Variants in ACOXL observed in about 807,000 individuals in gnomAD.
ACOXL encodes the protein acyl-CoA oxidase like.
A neutral mutation model predicts 71.9 loss-of-function variants in ACOXL; 70 were observed. That is an observed-to-expected ratio of 0.97 (90% confidence interval 0.80 to 1.19). The LOEUF is 1.19. Ranked by LOEUF, ACOXL falls within the 50% of genes most tolerant of loss-of-function variation. The pLI is 0.00. For missense variants in ACOXL, 703 were observed against 736.3 expected, an observed-to-expected ratio of 0.95 and a Z score of 0.52; for synonymous variants, 253 against 281.6, an observed-to-expected ratio of 0.90 and a Z score of 1.02.
intron 10 of ACOXL, among the ~76,000 whole-genome samples, chr2:110,906,466 A>T (rs1317134540): frequency 6.8e-6 from 1 of 147,748 alleles, no homozygotes; most frequent in East Asian, 2.0e-4. Context: ...AGAACCTGGG[A>T]GGCAGAGGTT....
chr2:111,105,762 T>C (rs192459772), intron 17 of ACOXL, among the ~76,000 whole-genome samples: 6 of 152,300 alleles, frequency 3.9e-5, no homozygotes, highest in Admixed American at 2.0e-4. Context: ...TCCTTGGAAT[T>C]TGCCATATAG....
intron 14 of ACOXL, among the ~76,000 whole-genome samples, chr2:111,021,281 C>T (rs1279828667): frequency 3.3e-5 from 5 of 152,162 alleles, no homozygotes; most frequent in African/African-American, 7.2e-5. Flanking sequence ...AGCTGGCCCC[C>T]GAATCCGGGA....
chr2:111,058,076 AG>A (rs1479659502), intron 16 of ACOXL, among the ~76,000 whole-genome samples: 13 of 152,242 alleles, frequency 8.5e-5, no homozygotes, highest in Non-Finnish European at 1.9e-4. Context: ...TTTAGAAGAC[AG>A]GACAGCAGGA....
At chr2:110,840,972 C>T (rs1474811581) in intron 9 of ACOXL, among the ~76,000 whole-genome samples, 9 of 152,114 alleles carry the variant, frequency 5.9e-5, no homozygotes, top group South Asian at 2.1e-4. Context: ...CATGTGTGGG[C>T]GTGTTCTCCT....
At chr2:111,037,968 C>T (rs537153668) in intron 15 of ACOXL, among the ~76,000 whole-genome samples, 12 of 152,178 alleles carry the variant, frequency 7.9e-5, no homozygotes, top group African/African-American at 2.7e-4. Flanking sequence ...GATTTGCCTC[C>T]GAACAATGCT....
At chr2:110,787,256 C>T (rs909760240) in intron 3 of ACOXL, among the ~76,000 whole-genome samples, 6 of 152,030 alleles carry the variant, frequency 3.9e-5, no homozygotes, top group Admixed American at 2.6e-4. Flanking sequence ...TCTCTGAGGC[C>T]GGGTGCGGTG....
At chr2:111,073,133 AT>A (rs1489877946) in intron 16 of ACOXL, among the ~76,000 whole-genome samples, 1 of 152,156 alleles carries the variant, frequency 6.6e-6, no homozygotes, top group Non-Finnish European at 1.5e-5. Flanking sequence ...TTTGAGAGTT[AT>A]TTATAGATTC....
intron 14 of ACOXL, among the ~76,000 whole-genome samples, chr2:111,023,007 A>G (rs1332618246): frequency 6.6e-6 from 1 of 152,046 alleles, no homozygotes; most frequent in Non-Finnish European, 1.5e-5. Flanking sequence ...GTTGGCCTCT[A>G]CTTGTCTATA....
intron 15 of ACOXL, among the ~76,000 whole-genome samples, chr2:111,042,447 T>C (rs953003267): frequency 1.3e-5 from 2 of 152,046 alleles, no homozygotes; most frequent in Admixed American, 1.3e-4. Flanking sequence ...AGAAGACCCA[T>C]TGGTGCTGGG....
intron 9 of ACOXL, among the ~76,000 whole-genome samples, chr2:110,833,512 G>A (rs1474705982): frequency 6.6e-6 from 1 of 152,112 alleles, no homozygotes; most frequent in African/African-American, 2.4e-5. Flanking sequence ...ACTCTATCAG[G>A]GGAGTATCCT....
intron 16 of ACOXL, among the ~76,000 whole-genome samples, chr2:111,073,347 A>G (rs2067433259): frequency 6.6e-6 from 1 of 152,202 alleles, no homozygotes. Context: ...CAAGTCATGA[A>G]GGTTTTATCT....
chr2:110,791,019 G>A (rs1684582706), intron 3 of ACOXL, among the ~76,000 whole-genome samples: 1 of 152,250 alleles, frequency 6.6e-6, no homozygotes, highest in African/African-American at 2.4e-5. Context: ...TTCCTGGCCT[G>A]TGGGCTGGGG....
intron 1 of ACOXL, among the ~76,000 whole-genome samples, chr2:110,736,651 G>A (rs528598940): frequency 1.5e-5 from 2 of 136,668 alleles, no homozygotes; most frequent in Non-Finnish European, 3.0e-5. Flanking sequence ...ACGGAGTCTC[G>A]CTCTGTGGCC....
At chr2:110,748,670 C>G (rs774091747) in intron 1 of ACOXL, among the ~76,000 whole-genome samples, 2 of 152,084 alleles carry the variant, frequency 1.3e-5, no homozygotes, top group African/African-American at 4.8e-5. Flanking sequence ...GCAGGTGGCT[C>G]CTGGGAGTGG....
rs185266952 is a variant in ACOXL, at chr2:110,784,483, C to T, written c.76-249C>T. ...GCAGGGTTGCAGGCTGGCCTCCATG[C>T]GGATGCAGTTGACTATTGTATAAGA... On this transcript the variant is annotated intron_variant, in intron 2 of 17. Transcript: ENST00000439055. 2.1e-3 allele frequency among the ~76,000 whole-genome samples: 315 copies of T among 152,142 alleles called. 8 individuals carry two copies. Among genetic ancestry groups the T allele is most frequent in the Admixed American group, 0.019 (295 of 15,286 alleles).
intron 17 of ACOXL, among the ~76,000 whole-genome samples, chr2:111,094,846 A>ATTCTTATG (rs2068721273): frequency 6.6e-6 from 1 of 152,186 alleles, no homozygotes; most frequent in Non-Finnish European, 1.5e-5. Flanking sequence ...TATGGCTGGC[A>ATTCTTATG]GCTCAGCTAG....
intron 16 of ACOXL, among the ~76,000 whole-genome samples, chr2:111,086,152 A>G (rs1436583376): frequency 1.3e-5 from 2 of 152,228 alleles, no homozygotes; most frequent in African/African-American, 4.8e-5. Flanking sequence ...AAGACCTGGT[A>G]TCATTACTAC....
intron 17 of ACOXL, among the ~76,000 whole-genome samples, chr2:111,101,454 G>C (rs2069151994): frequency 6.6e-6 from 1 of 152,118 alleles, no homozygotes; most frequent in Non-Finnish European, 1.5e-5. Flanking sequence ...TGAACACTCA[G>C]ATTTCCCATC....
intron 9 of ACOXL, among the ~76,000 whole-genome samples, chr2:110,810,617 C>T (rs1325168800): frequency 1.3e-5 from 2 of 152,068 alleles, no homozygotes; most frequent in East Asian, 3.9e-4. Context: ...ATCTGTTCAT[C>T]CATCCATCAT....
Sources: allele counts gnomAD v4.1 joint callset (sites outside exome capture counted in the v4.1 genomes callset), GRCh38; gene constraint gnomAD v4.1.1; transcripts MANE v1.5; gene names NCBI Gene and HGNC (gene_info 2026-07-23, HGNC 2026-07-21).